Variants in LPP observed in about 807,000 individuals in gnomAD.
The protein encoded by LPP is LIM domain containing preferred translocation partner in lipoma.
In LPP, 38 loss-of-function variants were observed where a neutral mutation model predicts 60.4. The ratio of observed to expected loss-of-function variants is 0.63; its 90% CI spans 0.49 to 0.83. The LOEUF (loss-of-function observed/expected upper bound fraction) is 0.83. Ranked by LOEUF, LPP falls within the 40% of genes least tolerant of loss-of-function variation. The pLI is 0.00. For synonymous variants in LPP, 328 were observed against 290.8 expected (o/e 1.13, Z -1.30); for missense variants, 902 against 783.6 (o/e 1.15, Z -1.80).
At chr3:188,579,931 G>A (rs1341848538) in intron 6 of LPP, among the ~76,000 whole-genome samples, 6 of 151,856 alleles carry the variant, frequency 4.0e-5, no homozygotes, top group Non-Finnish European at 7.4e-5. Flanking sequence ...GAGGTAGGAG[G>A]TCAAGGCTAC....
chr3:188,307,074 T>C (rs1751770980), intron 2 of LPP, among the ~76,000 whole-genome samples: 1 of 152,254 alleles, frequency 6.6e-6, no homozygotes, highest in Non-Finnish European at 1.5e-5. Flanking sequence ...CTGAGTCCTT[T>C]GCATGTGCTA....
intron 4 of LPP, among the ~76,000 whole-genome samples, chr3:188,451,743 A>T (rs569171171): frequency 6.6e-6 from 1 of 152,306 alleles, no homozygotes; most frequent in Admixed American, 6.5e-5. Flanking sequence ...TAAGACAGAA[A>T]ATTTAGAGGA....
At chr3:188,765,297 AACACACACACACACACAC>A (rs60149759) in intron 9 of LPP, among the ~76,000 whole-genome samples, 10 of 144,070 alleles carry the variant, frequency 6.9e-5, no homozygotes, top group Middle Eastern at 3.5e-3. Context: ...TGTCTCACAC[AACACACACACACACACAC>A]ACACACACAC....
chr3:188,670,857 C>T (rs978543086), intron 7 of LPP, among the ~76,000 whole-genome samples: 16 of 152,148 alleles, frequency 1.1e-4, no homozygotes, highest in African/African-American at 2.4e-4. Context: ...ATATTTGGAG[C>T]GCTACCATGA....
rs1345829344 is a variant in LPP, at chr3:188,182,398, C to G, written c.-190+28146C>G. ...TGTACTTATTTATAGTCATCCCTAC[C>G]TCGTTCTTTTCATTGGTCGGAACTT... On this transcript the variant is annotated intron_variant, in intron 1 of 11. Transcript: ENST00000617246. The surrounding 1 kb of genome is among the most constrained non-coding windows in gnomAD (Gnocchi z 4.4). Among the ~76,000 whole-genome samples the G allele has an allele frequency of 6.6e-6, 1 of 152,190 alleles. No individual in the cohort carries two copies. The highest frequency in any genetic ancestry group is 1.5e-5 in the Non-Finnish European group (1 of 68,036).
chr3:188,211,203 G>A (rs1392787979), intron 1 of LPP, among the ~76,000 whole-genome samples: 1 of 152,114 alleles, frequency 6.6e-6, no homozygotes, highest in Non-Finnish European at 1.5e-5. Context: ...TACACAAGGA[G>A]CACTGACTCG....
chr3:188,612,050 G>A (rs1843823552), intron 7 of LPP, among the ~76,000 whole-genome samples: 1 of 152,174 alleles, frequency 6.6e-6, no homozygotes, highest in African/African-American at 2.4e-5. Flanking sequence ...TGATCTATTA[G>A]ATGATTACAG....
chr3:188,319,720 G>C (rs1756372346), intron 2 of LPP, among the ~76,000 whole-genome samples: 1 of 152,356 alleles, frequency 6.6e-6, no homozygotes, highest in African/African-American at 2.4e-5. Flanking sequence ...AGCTTTCCCT[G>C]ATGTTAACAT....
At chr3:188,453,831 G>A (rs1797144021) in intron 4 of LPP, among the ~76,000 whole-genome samples, 1 of 152,000 alleles carries the variant, frequency 6.6e-6, no homozygotes, top group African/African-American at 2.4e-5. Flanking sequence ...TACAGATAAG[G>A]AGATGGGACT....
At chr3:188,430,386 C>G (rs1429810769) in intron 4 of LPP, among the ~76,000 whole-genome samples, 6 of 152,028 alleles carry the variant, frequency 3.9e-5, no homozygotes, top group Admixed American at 2.6e-4. Context: ...AGTAGGATAG[C>G]ATGTTATCTT....
intron 7 of LPP, among the ~76,000 whole-genome samples, chr3:188,638,969 C>T (rs1173435879): frequency 6.6e-6 from 1 of 151,874 alleles, no homozygotes; most frequent in Non-Finnish European, 1.5e-5. Context: ...CAATGCCATC[C>T]CCATCAAGCT....
chr3:188,295,655 A>C (rs1281286093), intron 2 of LPP, among the ~76,000 whole-genome samples: 1 of 152,072 alleles, frequency 6.6e-6, no homozygotes, highest in Non-Finnish European at 1.5e-5. Context: ...CTCCCGCCTC[A>C]GCCTCCCGAG....
intron 7 of LPP, among the ~76,000 whole-genome samples, chr3:188,706,113 T>C (rs1422228488): frequency 1.3e-5 from 2 of 152,230 alleles, no homozygotes; most frequent in Non-Finnish European, 2.9e-5. Flanking sequence ...GTAGCTTCTC[T>C]AATCCTCATA....
intron 7 of LPP, among the ~76,000 whole-genome samples, chr3:188,619,205 G>T (rs1252113894): frequency 6.6e-6 from 1 of 151,860 alleles, no homozygotes; most frequent in Non-Finnish European, 1.5e-5. Flanking sequence ...TTGTATTTTT[G>T]GTAGAGACGG....
rs181394357 is a variant in LPP, at chr3:188,228,220, G to A, written c.-67+2693G>A. ...ACCATGGATTCTGCTGCAAGATTCTGGGACACACGTGCTCATGGCCATCAA... is the reference window on the plus strand; with the variant it reads ...ACCATGGATTCTGCTGCAAGATTCTAGGACACACGTGCTCATGGCCATCAA... On this transcript the variant is annotated intron_variant, in intron 2 of 11. Coordinates refer to ENST00000617246, the MANE Select transcript of LPP (RefSeq NM_001375462.1). 6.4e-4 allele frequency among the ~76,000 whole-genome samples: 98 copies of A among 152,308 alleles called. 1 individual carries two copies. Among genetic ancestry groups the A allele is most frequent in the African/African-American group, 2.2e-3 (90 of 41,562 alleles).
chr3:188,662,373 A>G (rs1431368555), intron 7 of LPP, among the ~76,000 whole-genome samples: 1 of 152,230 alleles, frequency 6.6e-6, no homozygotes, highest in Admixed American at 6.5e-5. Context: ...GAGGTCCCAT[A>G]GATACCATGG....
At chr3:188,667,855 G>C (rs1359864918) in intron 7 of LPP, among the ~76,000 whole-genome samples, 1 of 151,398 alleles carries the variant, frequency 6.6e-6, no homozygotes, top group Middle Eastern at 3.2e-3. Context: ...AGAAATTTGT[G>C]CAGCTCCTTT....
At chr3:188,490,266 GA>G (rs1187391744) in intron 5 of LPP, among the ~76,000 whole-genome samples, 2 of 152,130 alleles carry the variant, frequency 1.3e-5, no homozygotes, top group Non-Finnish European at 2.9e-5. Flanking sequence ...GCTATGCCCA[GA>G]ATTAGTGGAA....
intron 9 of LPP, among the ~76,000 whole-genome samples, chr3:188,848,803 TA>T (rs1308098621): frequency 6.6e-6 from 1 of 151,886 alleles, no homozygotes; most frequent in African/African-American, 2.4e-5. Flanking sequence ...CCATCTCTAC[TA>T]AAAGTACAAA....
Sources: allele counts gnomAD v4.1 joint callset (sites outside exome capture counted in the v4.1 genomes callset), GRCh38; gene constraint gnomAD v4.1.1; non-coding constraint Gnocchi (gnomAD v3.1); transcripts MANE v1.5; gene names NCBI Gene and HGNC (gene_info 2026-07-23, HGNC 2026-07-21).